Variants in SEC14L1 observed in about 807,000 individuals in gnomAD.
SEC14L1 encodes SEC14-like protein 1.
Under a neutral mutation model 85.3 loss-of-function variants are expected in SEC14L1, and 48 were observed. The observed-to-expected ratio is 0.56, with a 90% CI of 0.45 to 0.72. The LOEUF is 0.72. Ranked by LOEUF, SEC14L1 falls within the 30% of genes least tolerant of loss-of-function variation. The pLI is 0.00. For missense variants in SEC14L1, 682 were observed against 921.4 expected (o/e 0.74, Z 3.36); for synonymous variants, 391 against 355.5 (o/e 1.10, Z -1.12).
At chr17:77,134,446 G>A (rs183501174) in intron 3 of SEC14L1, among the ~76,000 whole-genome samples, 9 of 152,006 alleles carry the variant, frequency 5.9e-5, no homozygotes, top group East Asian at 1.9e-4. Flanking sequence ...GGCCGGGTGC[G>A]GTGGCTCATG....
At chr17:77,108,116 C>T (rs1005697478) in intron 3 of SEC14L1, among the ~76,000 whole-genome samples, 6 of 152,050 alleles carry the variant, frequency 3.9e-5, no homozygotes, top group Middle Eastern at 3.4e-3. Flanking sequence ...CACACACACA[C>T]GGACTTAGAT....
At chr17:77,194,376 G>A (rs532415401) in intron 6 of SEC14L1, among the ~76,000 whole-genome samples, 9 of 152,086 alleles carry the variant, frequency 5.9e-5, no homozygotes, top group South Asian at 2.1e-4. Flanking sequence ...ACAACATTGC[G>A]AAACCCCGTA....
upstream of SEC14L1, among the ~76,000 whole-genome samples, chr17:77,137,189 G>A (rs1353341672): frequency 3.3e-5 from 5 of 152,170 alleles, no homozygotes; most frequent in Non-Finnish European, 5.9e-5. Flanking sequence ...GATTACAAGC[G>A]TGAGCCACCA....
chr17:77,110,877 CAAAAA>C (rs1212651345), intron 3 of SEC14L1, among the ~76,000 whole-genome samples: 2 of 46,650 alleles, frequency 4.3e-5, no homozygotes, highest in East Asian at 7.4e-4. Flanking sequence ...GACTCTGTCT[CAAAAA>C]AAAAAAAAAA....
At chr17:77,143,102 G>C (rs974281084) in intron 2 of SEC14L1, among the ~76,000 whole-genome samples, 2 of 131,328 alleles carry the variant, frequency 1.5e-5, no homozygotes, top group African/African-American at 5.4e-5. Context: ...AGATACAGTA[G>C]TATTTTTTTC....
At chr17:77,151,029 A>T (rs1973533166) in intron 3 of SEC14L1, among the ~76,000 whole-genome samples, 1 of 151,546 alleles carries the variant, frequency 6.6e-6, no homozygotes, top group African/African-American at 2.4e-5. Context: ...TTAGTTTCTG[A>T]TGGTTAGGTG....
At chr17:77,114,479 G>A (rs1373736107) in intron 3 of SEC14L1, among the ~76,000 whole-genome samples, 2 of 151,156 alleles carry the variant, frequency 1.3e-5, no homozygotes, top group South Asian at 2.1e-4. Context: ...AGCCGAGATC[G>A]CGCCACTGCA....
At chr17:77,193,186 ATAG>A (rs1975628181) in intron 5 of SEC14L1, among the ~76,000 whole-genome samples, 1 of 152,214 alleles carries the variant, frequency 6.6e-6, no homozygotes, top group Non-Finnish European at 1.5e-5. Flanking sequence ...CTCTCCTTTT[ATAG>A]TCATCTTTGA....
At chr17:77,211,921 G>A (rs542757319) in intron 14 of SEC14L1, 29 bp from the exon 15 acceptor site, 10 of 1,608,422 alleles carry the variant, frequency 6.2e-6, no homozygotes, top group African/African-American at 4.0e-5. Context: ...CTCGTGGATC[G>A]TGGCTGCCTA....
intron 3 of SEC14L1, among the ~76,000 whole-genome samples, chr17:77,154,614 A>G (rs979132384): frequency 1.5e-4 from 22 of 149,622 alleles, no homozygotes; most frequent in South Asian, 8.5e-4. Context: ...GGAGGACTCT[A>G]CTGGCCCCTT....
At chr17:77,202,025 C>T (rs80269238) in intron 9 of SEC14L1, among the ~76,000 whole-genome samples, 1,548 of 152,198 alleles carry the variant, frequency 0.01, 29 homozygotes, top group African/African-American at 0.034. Context: ...CCTCCTGCTG[C>T]GCCTTCTGGG....
At chr17:77,173,243 A>C (rs1252862131) in intron 3 of SEC14L1, among the ~76,000 whole-genome samples, 1 of 152,146 alleles carries the variant, frequency 6.6e-6, no homozygotes, top group Non-Finnish European at 1.5e-5. Flanking sequence ...GTGGTGGGGA[A>C]AGGGAAGTTT....
chr17:77,186,089 G>T (rs955559170), intron 3 of SEC14L1, among the ~76,000 whole-genome samples: 8 of 152,110 alleles, frequency 5.3e-5, no homozygotes, highest in African/African-American at 1.2e-4. Context: ...ACCATCCTGC[G>T]CATGAGTCTC....
chr17:77,094,771 G>C (rs1355269187), intron 3 of SEC14L1: 1 of 152,184 alleles, frequency 6.6e-6, no homozygotes, highest in Non-Finnish European at 1.5e-5. Context: ...CAGCCAGGCT[G>C]TTGTTTTTTT....
At chr17:77,141,497 C>T (rs1567889524) in intron 1 of SEC14L1, 1 of 151,982 alleles carries the variant, frequency 6.6e-6, no homozygotes, top group East Asian at 1.9e-4. Flanking sequence ...GCTGAGCAGC[C>T]CCGGGCGCCG....
At position 77,193,381 on chromosome 17, in the gene SEC14L1, G is replaced by A. The variant is rs769284272; in HGVS notation, c.346-40G>A. ...AGGAGCAGGCAGATGATATTCTGTT[G>A]TCAATTCAGTCAGTGAGAGTGCTTT... On this transcript the variant is annotated intron_variant, in intron 5 of 16. Transcript: ENST00000436233. 4.5e-5 allele frequency: 70 copies of A among 1,550,924 alleles called. 2 individuals carry two copies. The highest frequency in any genetic ancestry group is 8.6e-5 in the South Asian group (7 of 81,246).
chr17:77,206,471 T>C lies in SEC14L1; in HGVS notation c.1341+71T>C. ...CAGATAACATGCATTCATATACACG[T>C]GTCTGTGACCTAAAGTCTTAACTTC... On this transcript the variant is annotated intron_variant, in intron 12 of 16. Coordinates refer to ENST00000436233, the MANE Select transcript of SEC14L1 (RefSeq NM_001143998.2). This position sits in a 1 kb window ranked among gnomAD's most constrained non-coding sequence, Gnocchi z 4.3. The C allele has an allele frequency of 6.7e-6, 10 of 1,498,692 alleles. No homozygotes were observed. Among genetic ancestry groups the C allele is most frequent in the Non-Finnish European group, 9.1e-6 (10 of 1,098,348 alleles). The allele number at this position is 1,498,692 out of a possible 1,614,324, so 92.8% of individuals were successfully genotyped here.
chr17:77,150,056 T>C lies in SEC14L1; in HGVS notation c.63+6397T>C, dbSNP rs753241427. 1.3e-4 allele frequency among the ~76,000 whole-genome samples: 20 copies of C among 152,188 alleles called. 1 individual carries two copies. The highest frequency in any genetic ancestry group is 2.5e-4 in the Non-Finnish European group (17 of 68,020). On this transcript the variant is annotated intron_variant, in intron 3 of 16. Coordinates refer to ENST00000436233, the MANE Select transcript of SEC14L1 (RefSeq NM_001143998.2). ...TGACCCACAGGCAGTGCTCTCAGAG[T>C]AACCACAGTTGTCGATTAAATGGCC... is the stretch of plus-strand genomic sequence containing the variant.
At position 77,202,389 on chromosome 17, in the gene SEC14L1, C is replaced by T. The variant is rs919193762; in HGVS notation, c.1010-1181C>T. 1.2e-4 allele frequency among the ~76,000 whole-genome samples: 18 copies of T among 152,080 alleles called. 1 individual carries two copies. Among genetic ancestry groups the T allele is most frequent in the Admixed American group, 1.3e-4 (2 of 15,262 alleles). ...ATCCCAGCACTTTGGGAGGCTGAAG[C>T]GGGTGGATCACCTGAGATCAGGAGT... is the stretch of plus-strand genomic sequence containing the variant. On this transcript the variant is annotated intron_variant, in intron 9 of 16. Coordinates refer to ENST00000436233, the MANE Select transcript of SEC14L1 (RefSeq NM_001143998.2).
Sources: gnomAD v4.1 joint callset for allele counts (sites outside exome capture counted in the v4.1 genomes callset) on GRCh38, gnomAD v4.1.1 for gene constraint, Gnocchi (gnomAD v3.1) non-coding constraint, MANE v1.5 for transcripts, NCBI Gene and HGNC (gene_info 2026-07-23, HGNC 2026-07-21) for gene names.